Variants in LMX1B observed in about 807,000 individuals in gnomAD.
The protein encoded by LMX1B is LIM homeobox transcription factor 1-beta.
In LMX1B, 12 loss-of-function variants were observed where a neutral mutation model predicts 51.4. The ratio of observed to expected loss-of-function variants is 0.23; its 90% confidence interval spans 0.15 to 0.38. The LOEUF is 0.38. Ranked by LOEUF, LMX1B falls within the 10% of genes least tolerant of loss-of-function variation. The pLI, the probability that LMX1B is intolerant of heterozygous loss-of-function variation, is 1.00. For missense variants in LMX1B, 445 were observed against 571.1 expected, an observed-to-expected ratio of 0.78 and a Z score of 2.25; for synonymous variants, 237 against 235.4, an observed-to-expected ratio of 1.01 and a Z score of -0.06.
chr9:126,624,500 C>T (rs1043983736), intron 2 of LMX1B, among the ~76,000 whole-genome samples: 3 of 152,256 alleles, frequency 2.0e-5, no homozygotes, highest in East Asian at 1.9e-4. Context: ...GGGGGAGAAT[C>T]TAAGACCCTT....
At chr9:126,686,633 G>A (rs1309104963) in intron 2 of LMX1B, among the ~76,000 whole-genome samples, 1 of 152,168 alleles carries the variant, frequency 6.6e-6, no homozygotes, top group Non-Finnish European at 1.5e-5. Context: ...CCAAGTCTCA[G>A]GAAGAGACAG....
In LMX1B at chr9:126,698,484, G is replaced by C. The variant is rs1472556853; in HGVS notation, c.*2033G>C. 1 of 152,244 alleles carries C rather than the reference G, an allele frequency of 6.6e-6. No homozygotes were observed. The highest frequency in any genetic ancestry group is 2.4e-5 in the African/African-American group (1 of 41,450). 9.4% of individuals were successfully genotyped at this position (152,244 alleles called of 1,614,324 possible). The stretch of plus-strand genomic sequence containing the variant: ...GAAGATTGTGTCAGGCGCCCTGCTG[G>C]AAGTCAGGTGCACTAGATCCATCCC... On this transcript the variant is annotated 3_prime_UTR_variant, in exon 8 of 8. Transcript: ENST00000373474.
intron 1 of LMX1B, 33 bp downstream of exon 1, chr9:126,614,621 CGGGCGTGGGATG>C (rs1480985028): frequency 6.0e-6 from 9 of 1,508,926 alleles, no homozygotes; most frequent in Non-Finnish European, 8.0e-6. Context: ...CGAGTGGTCT[CGGGCGTGGGATG>C]GGGCGTCGTC....
Position 126,615,636 on chromosome 9 carries a change from G to T in LMX1B, c.326+67G>T. 5 of 1,458,794 alleles carry T rather than the reference G, an allele frequency of 3.4e-6. No homozygotes were observed. Among genetic ancestry groups the T allele is most frequent in the Non-Finnish European group, 1.9e-6 (2 of 1,076,310 alleles). 90.4% of individuals were successfully genotyped at this position (1,458,794 alleles called of 1,614,324 possible). A position where few individuals can be genotyped will look rare whatever the true frequency, so the allele number is the denominator to read the frequency against. On this transcript the variant is annotated intron_variant, in intron 2 of 7. Transcript: ENST00000373474. The surrounding 1 kb of genome is among the most constrained non-coding windows in gnomAD (Gnocchi z 6.0). ...TCGAGCCCGGTCAGCCCCCTGCCGG[G>T]CCCGGCCCGCGCCCGCTCTGCCGCC...
chr9:126,680,187 G>A (rs985618963), intron 2 of LMX1B, among the ~76,000 whole-genome samples: 10 of 152,212 alleles, frequency 6.6e-5, no homozygotes, highest in African/African-American at 1.9e-4. Context: ...CAGCAGCTCC[G>A]TGCTGATGAA....
intron 2 of LMX1B, among the ~76,000 whole-genome samples, chr9:126,630,791 G>GATA (rs1835618415): frequency 6.6e-6 from 1 of 152,248 alleles, no homozygotes. Flanking sequence ...GGCCGGCCAG[G>GATA]GTCTGCCCTC....
intron 2 of LMX1B, among the ~76,000 whole-genome samples, chr9:126,668,598 C>T (rs562108732): frequency 4.4e-4 from 67 of 152,158 alleles, no homozygotes; most frequent in Admixed American, 1.8e-3. Context: ...GGATTACAGG[C>T]GTGCACCACC....
At chr9:126,662,961 G>C (rs1443842433) in intron 2 of LMX1B, among the ~76,000 whole-genome samples, 1 of 152,320 alleles carries the variant, frequency 6.6e-6, no homozygotes, top group East Asian at 1.9e-4. Context: ...CAAACACACT[G>C]CTGGCAAGGA....
chr9:126,627,965 G>A (rs1377526659), intron 2 of LMX1B, among the ~76,000 whole-genome samples: 1 of 152,164 alleles, frequency 6.6e-6, no homozygotes, highest in Non-Finnish European at 1.5e-5. Context: ...GGGATGGGAA[G>A]GTTCTTCAAT....
At chr9:126,620,609 A>ACGGAGGGTGGC (rs1386810882) in intron 2 of LMX1B, among the ~76,000 whole-genome samples, 1 of 152,022 alleles carries the variant, frequency 6.6e-6, no homozygotes, top group East Asian at 1.9e-4. Flanking sequence ...TTGGGGGCAG[A>ACGGAGGGTGGC]CGGGTGTGCT....
At chr9:126,692,420 G>A (rs1214690199) in intron 3 of LMX1B, among the ~76,000 whole-genome samples, 1 of 152,272 alleles carries the variant, frequency 6.6e-6, no homozygotes, top group African/African-American at 2.4e-5. Flanking sequence ...CAAACCTGGG[G>A]CGGGGAAGTG....
intron 1 of LMX1B, among the ~76,000 whole-genome samples, 197 bp downstream of exon 1, chr9:126,614,785 C>T (rs1217692628): frequency 2.0e-5 from 3 of 152,170 alleles, no homozygotes; most frequent in African/African-American, 7.2e-5. Flanking sequence ...GGGGACAGGA[C>T]AGCTCCAGTC....
In LMX1B at chr9:126,618,614, C is replaced by T. The variant is rs1468842899; in HGVS notation, c.326+3045C>T. ...ACGCAGCCTCCCCCAAATCAGAACA[C>T]CTCTCACCGTCCTCCACCGGAGAAC... On this transcript the variant is annotated intron_variant, in intron 2 of 7. Coordinates refer to ENST00000373474, the MANE Select transcript of LMX1B (RefSeq NM_001174147.2). The surrounding 1 kb of genome is among the most constrained non-coding windows in gnomAD (Gnocchi z 4.5). Among the ~76,000 whole-genome samples the T allele has an allele frequency of 2.0e-5, 3 of 152,178 alleles. No individual in the cohort carries two copies. The highest frequency in any genetic ancestry group is 7.2e-5 in the African/African-American group (3 of 41,430).
At chr9:126,676,782 A>G (rs1038130376) in intron 2 of LMX1B, among the ~76,000 whole-genome samples, 3 of 152,178 alleles carry the variant, frequency 2.0e-5, no homozygotes, top group African/African-American at 7.2e-5. Context: ...GCAGATCCCC[A>G]TAGGGAGGAC....
intron 2 of LMX1B, among the ~76,000 whole-genome samples, chr9:126,684,137 G>A (rs1190797695): frequency 6.6e-6 from 1 of 152,204 alleles, no homozygotes; most frequent in African/African-American, 2.4e-5. Context: ...AAATCTCATG[G>A]TCCCCATGGA....
chr9:126,689,046 T>A (rs2030016424), intron 2 of LMX1B, among the ~76,000 whole-genome samples: 1 of 152,114 alleles, frequency 6.6e-6, no homozygotes, highest in South Asian at 2.1e-4. Context: ...AGGAGTAAAC[T>A]GAGGTGGGGG....
intron 2 of LMX1B, among the ~76,000 whole-genome samples, chr9:126,686,769 G>C (rs1235517919): frequency 6.6e-6 from 1 of 152,198 alleles, no homozygotes; most frequent in Non-Finnish European, 1.5e-5. Context: ...TTAAAAGAGT[G>C]ACCTGGCCTC....
At chr9:126,693,121 G>T in intron 3 of LMX1B, 21 bp from the exon 4 acceptor site, 1 of 1,553,798 alleles carries the variant, frequency 6.4e-7, no homozygotes, top group Non-Finnish European at 8.7e-7. Flanking sequence ...TTCATCACAG[G>T]CCGGGTTGTG....
chr9:126,617,524 C>T (rs891961971), intron 2 of LMX1B, among the ~76,000 whole-genome samples: 3 of 151,866 alleles, frequency 2.0e-5, no homozygotes, highest in Admixed American at 1.3e-4. Flanking sequence ...ACCCCTGGTT[C>T]TTCAGGCACA....
Sources: allele counts gnomAD v4.1 joint callset (sites outside exome capture counted in the v4.1 genomes callset), GRCh38; gene constraint gnomAD v4.1.1; non-coding constraint Gnocchi (gnomAD v3.1); transcripts MANE v1.5; gene names NCBI Gene and HGNC (gene_info 2026-07-23, HGNC 2026-07-21).